IRX2: variants seen among roughly 807,000 people sequenced by gnomAD.
The protein encoded by IRX2 is iroquois-class homeodomain protein IRX-2.
IRX2 carries 26 observed loss-of-function variants against 42.9 expected under a neutral mutation model. The ratio of observed to expected loss-of-function variants is 0.61; its 90% CI spans 0.44 to 0.84. The LOEUF is 0.84. Among genes scored for constraint, IRX2 ranks in the 40% least tolerant of loss-of-function variants. IRX2 has a pLI of 0.00. For missense variants in IRX2, 782 were observed against 713.9 expected, an observed-to-expected ratio of 1.10 and a Z score of -1.09; for synonymous variants, 424 against 353.9, an observed-to-expected ratio of 1.20 and a Z score of -2.22.
chr5:2,748,302 C>T, intron 3 of IRX2, 43 bp downstream of exon 3: 5 of 1,370,908 alleles, frequency 3.6e-6, no homozygotes, highest in Non-Finnish European at 4.7e-6. Flanking sequence ...CCGGGGCTGG[C>T]TCTCCCTCCC....
chr5:2,745,088 G>T (rs1304946741), downstream of IRX2, among the ~76,000 whole-genome samples: 1 of 152,174 alleles, frequency 6.6e-6, no homozygotes, highest in Non-Finnish European at 1.5e-5. Context: ...ATCGGAGCTG[G>T]CAGATGTTTA....
At position 2,748,539 on chromosome 5, in the gene IRX2, C is replaced by T; in HGVS notation, c.1169G>A (p.Gly390Asp). Residue 390 changes from glycine to aspartate, a missense_variant, in exon 3 of 4, where the codon GGC (glycine) becomes GAC (aspartate). Around this residue, in one of 3 missense-constraint regions of IRX2, gnomAD observed 520 missense variants for 437.8 expected, o/e 1.19. Transcript: ENST00000302057. The stretch of plus-strand genomic sequence containing the variant: ...CAAGTTCCCGTAGTTTGTGTAGTTG[C>T]CGTAGAAGGGCGACGTGTAGTAGAG... Reference protein sequence around the residue: ...RPLYYTSPFYGNYTNYGNLNA... With the variant: ...RPLYYTSPFYDNYTNYGNLNA... The T allele has an allele frequency of 1.3e-6, 2 of 1,578,550 alleles. No individual in the cohort carries two copies. Among genetic ancestry groups the T allele is most frequent in the Non-Finnish European group, 1.7e-6 (2 of 1,163,746 alleles).
Position 2,749,015 on chromosome 5 carries a change from C to G in IRX2, c.693G>C (p.Ser231=). The G allele has an allele frequency of 3.1e-6, 5 of 1,597,266 alleles. No homozygotes were observed. The highest frequency in any genetic ancestry group is 4.2e-6 in the Non-Finnish European group (5 of 1,179,314). The change falls in exon 3 of 4, where the codon TCG becomes TCC. Residue 231 remains serine (S), a synonymous_variant. Coordinates refer to ENST00000302057, the MANE Select transcript of IRX2 (RefSeq NM_033267.5). ...TCTCCCCGTCCGACTCGGCCGAGCA[C>G]GAGTGATCCGTGAGCGAGTCCACGT... ...SLHVDSLTDH[S]CSAESDGEKL...
At chr5:2,738,193 G>A in the IRX2 span, among the ~76,000 whole-genome samples, 2 of 152,284 alleles carry the variant, frequency 1.3e-5, 1 homozygote, top group South Asian at 4.1e-4. Flanking sequence ...TTATAAAACA[G>A]TCCAGCTCCA....
chr5:2,748,857 G>C lies in IRX2; in HGVS notation c.851C>G (p.Thr284Ser), dbSNP rs1437060764. The C allele has an allele frequency of 2.5e-6, 4 of 1,587,012 alleles. No homozygotes were observed. Among genetic ancestry groups the C allele is most frequent in the Middle Eastern group, 1.7e-4 (1 of 5,990 alleles). ...CTCCAAGCCGGTAAGCGGCGACGAG[G>C]TCACGGGCTTGGGCGGCGCCAGGCC... Reference protein sequence around the residue: ...ERGLAPPKPVTSSPLTGLEAP... With the variant: ...ERGLAPPKPVSSSPLTGLEAP... Residue 284 changes from threonine (T) to serine (S), a missense_variant, in exon 3 of 4, where the codon ACC (threonine) becomes AGC (serine). Physicochemically the swap from Thr to Ser is moderately conservative, Grantham distance 58. Around this residue, in one of 3 missense-constraint regions of IRX2, gnomAD observed 520 missense variants for 437.8 expected, o/e 1.19. Coordinates refer to ENST00000302057, the MANE Select transcript of IRX2 (RefSeq NM_033267.5).
chr5:2,749,078 G>GCCCACAGGTA (rs1189155286), intron 2 of IRX2, 26 bp from the exon 3 acceptor site: 1 of 1,590,830 alleles, frequency 6.3e-7, no homozygotes, highest in Non-Finnish European at 8.5e-7. Flanking sequence ...CACGGTGGGT[G>GCCCACAGGTA]GCACGAGGGG....
chr5:2,738,917 T>C, the IRX2 span, among the ~76,000 whole-genome samples: 1 of 152,144 alleles, frequency 6.6e-6, no homozygotes, highest in Non-Finnish European at 1.5e-5. Flanking sequence ...GTAATGGCTG[T>C]GGCTGGAGAC....
downstream of IRX2, among the ~76,000 whole-genome samples, chr5:2,742,748 G>C (rs1315266885): frequency 6.6e-6 from 1 of 152,124 alleles, no homozygotes; most frequent in African/African-American, 2.4e-5. Context: ...ATTCACTTCA[G>C]AGTGTTATTG....
downstream of IRX2, among the ~76,000 whole-genome samples, chr5:2,742,622 T>C (rs1737567872): frequency 6.6e-6 from 1 of 152,232 alleles, no homozygotes; most frequent in Non-Finnish European, 1.5e-5. Context: ...TATTTATATT[T>C]TAATTTTGAG....
At chr5:2,749,327 G>T in intron 2 of IRX2, 55 bp downstream of exon 2, 1 of 1,539,082 alleles carries the variant, frequency 6.5e-7, no homozygotes. Flanking sequence ...TTAGCTCTGC[G>T]CCCCGCCTGG....
In IRX2 at chr5:2,748,983, G is replaced by T. The variant is rs755432584; in HGVS notation, c.725C>A (p.Pro242Gln). ...GCACAGGGGGTCCCCGGCGCGGCAC[G>T]GAAGCTTCTCCCCGTCCGACTCGGC... Reference protein sequence around the residue: ...CSAESDGEKLPCRAGDPLCES... With the variant: ...CSAESDGEKLQCRAGDPLCES... Residue 242 changes from proline to glutamine, a missense_variant, in exon 3 of 4, where the codon CCG (proline) becomes CAG (glutamine). Around this residue, in one of 3 missense-constraint regions of IRX2, gnomAD observed 520 missense variants for 437.8 expected, o/e 1.19. Coordinates refer to ENST00000302057, the MANE Select transcript of IRX2 (RefSeq NM_033267.5). 11 of 1,597,170 alleles carry T rather than the reference G, an allele frequency of 6.9e-6. No homozygotes were observed. Among genetic ancestry groups the T allele is most frequent in the Non-Finnish European group, 8.5e-6 (10 of 1,179,454 alleles).
At chr5:2,738,338 G>T in the IRX2 span, among the ~76,000 whole-genome samples, 5 of 152,192 alleles carry the variant, frequency 3.3e-5, no homozygotes, top group African/African-American at 1.2e-4. Flanking sequence ...ATCATGAAGG[G>T]CACTTTTATT....
Position 2,751,232 on chromosome 5 carries a change from C to T in IRX2, c.182G>A (p.Gly61Asp). 2.2e-6 allele frequency: 3 copies of T among 1,370,892 alleles called. No homozygotes were observed. The highest frequency in any genetic ancestry group is 2.8e-6 in the Non-Finnish European group (3 of 1,062,160). The allele number at this position is 1,370,892 out of a possible 1,614,324, so 84.9% of individuals were successfully genotyped here. A position where few individuals can be genotyped will look rare whatever the true frequency, so the allele number is the denominator to read the frequency against. ...CGAGTACTGCAGCGGGCTCCCGAAG[C>T]CGGTGGCCGCCTGCGCCGTGAAGGC... ...SAAFTAQAAT[G>D]FGSPLQYSAD... The change falls in exon 1 of 4, where the codon GGC becomes GAC. Residue 61 changes from glycine to aspartate, a missense_variant. This residue lies in a region of IRX2 where 256 missense variants were observed against 250.0 expected (regional missense o/e 1.02). Transcript: ENST00000302057. This position sits in a 1 kb window ranked among gnomAD's most constrained non-coding sequence, Gnocchi z 4.0.
chr5:2,748,559 G>A lies in IRX2; in HGVS notation c.1149C>T (p.Tyr383=). The A allele has an allele frequency of 1.3e-6, 2 of 1,570,378 alleles. No individual in the cohort carries two copies. The highest frequency in any genetic ancestry group is 1.7e-6 in the Non-Finnish European group (2 of 1,160,408). ...AGTTGCCGTAGAAGGGCGACGTGTA[G>A]TAGAGGGGGCGGCCCAGCAGCGGCG... is the stretch of plus-strand genomic sequence containing the variant. ...PASPLLGRPL[Y]YTSPFYGNYT... Residue 383 remains tyrosine (Y), a synonymous_variant, in exon 3 of 4, where the codon TAC becomes TAT. Coordinates refer to ENST00000302057, the MANE Select transcript of IRX2 (RefSeq NM_033267.5).
In IRX2 at chr5:2,746,788, T is replaced by A. The variant is rs1208611033; in HGVS notation, c.*776A>T. Reference sequence around the variant, plus strand: ...TTTCAAAGCAATTGTGACACCTACCTGTGGACCAAGGAAAAAACCAAATCA... The same window carrying A: ...TTTCAAAGCAATTGTGACACCTACCAGTGGACCAAGGAAAAAACCAAATCA... On this transcript the variant is annotated 3_prime_UTR_variant, in exon 4 of 4. Transcript: ENST00000302057. 4 of 143,634 alleles carry A rather than the reference T, an allele frequency of 2.8e-5. No individual in the cohort carries two copies. The highest frequency in any genetic ancestry group is 6.1e-5 in the Non-Finnish European group (4 of 66,034). The allele number at this position is 143,634 out of a possible 1,614,324, so 8.9% of individuals were successfully genotyped here.
chr5:2,748,713 A>G lies in IRX2; in HGVS notation c.995T>C (p.Leu332Pro). Residue 332 changes from leucine (L) to proline (P), a missense_variant, in exon 3 of 4, where the codon CTG (leucine) becomes CCG (proline). This residue lies in a region of IRX2 where 520 missense variants were observed against 437.8 expected (regional missense o/e 1.19). Coordinates refer to ENST00000302057, the MANE Select transcript of IRX2 (RefSeq NM_033267.5). ...PPASKPKLWS[L>P]AEIATSDLKQ... ...GAGGTCCGACGTGGCGATCTCGGCC[A>G]GCGACCACAGCTTGGGCTTGCTGGC... 7.2e-7 allele frequency: 1 copy of G among 1,398,124 alleles called. No individual in the cohort carries two copies. 86.6% of individuals were successfully genotyped at this position (1,398,124 alleles called of 1,614,324 possible).
downstream of IRX2, among the ~76,000 whole-genome samples, chr5:2,741,053 G>A (rs1054956055): frequency 1.3e-5 from 2 of 152,252 alleles, no homozygotes; most frequent in East Asian, 3.9e-4. Context: ...GGTGCACGCG[G>A]GACCCGCACT....
At chr5:2,749,340 A>G in intron 2 of IRX2, 42 bp downstream of exon 2, 1 of 1,545,856 alleles carries the variant, frequency 6.5e-7, no homozygotes, top group Non-Finnish European at 8.7e-7. Context: ...CCGCCTGGGA[A>G]GAAAGCGCCC....
At chr5:2,750,652 G>A (rs531266382) in intron 1 of IRX2, among the ~76,000 whole-genome samples, 40 of 152,360 alleles carry the variant, frequency 2.6e-4, no homozygotes, top group Admixed American at 2.0e-3. Flanking sequence ...GCCGGACTCC[G>A]GAGCCGCAGC....
Sources: gnomAD v4.1 joint callset for allele counts (sites outside exome capture counted in the v4.1 genomes callset) on GRCh38, gnomAD v4.1.1 for gene constraint, gnomAD v4.1.1 regional missense constraint, Gnocchi (gnomAD v3.1) non-coding constraint, MANE v1.5 for transcripts, NCBI Gene and HGNC (gene_info 2026-07-23, HGNC 2026-07-21) for gene names.